Variants in NEDD4L observed in about 807,000 individuals in gnomAD.
NEDD4L encodes E3 ubiquitin-protein ligase NEDD4-like.
A neutral mutation model predicts 148.9 loss-of-function variants in NEDD4L; 54 were observed. That is an observed-to-expected ratio of 0.36 (90% CI 0.29 to 0.45). The LOEUF (loss-of-function observed/expected upper bound fraction) is 0.45. NEDD4L is among the 20% of genes least tolerant of loss of function. The pLI is 1.00. For missense variants in NEDD4L, 856 were observed against 1,233.8 expected (o/e 0.69, Z 4.59); for synonymous variants, 433 against 440.7 (o/e 0.98, Z 0.22).
chr18:58,330,966 T>C, intron 11 of NEDD4L, 52 bp downstream of exon 11: 5 of 1,577,134 alleles, frequency 3.2e-6, no homozygotes, highest in Non-Finnish European at 4.3e-6. Flanking sequence ...TTATTGTTTT[T>C]TGTTGCTTAA....
chr18:58,343,882 A>T (rs190010), intron 16 of NEDD4L, among the ~76,000 whole-genome samples: 1 of 152,160 alleles, frequency 6.6e-6, no homozygotes, highest in Non-Finnish European at 1.5e-5. Context: ...TTTTCCTGCT[A>T]TATAATCTCT....
At chr18:58,337,271 T>C (rs1211895822) in intron 13 of NEDD4L, among the ~76,000 whole-genome samples, 1 of 152,258 alleles carries the variant, frequency 6.6e-6, no homozygotes, top group African/African-American at 2.4e-5. Flanking sequence ...CTTTGGTAGA[T>C]GTAGATAGAT....
At chr18:58,198,089 A>G (rs1046571834) in intron 2 of NEDD4L, among the ~76,000 whole-genome samples, 4 of 152,158 alleles carry the variant, frequency 2.6e-5, no homozygotes, top group Non-Finnish European at 5.9e-5. Flanking sequence ...TAGTAACTGT[A>G]GGATAGGTAA....
intron 24 of NEDD4L, among the ~76,000 whole-genome samples, chr18:58,381,214 T>G (rs2048290419): frequency 6.6e-6 from 1 of 152,206 alleles, no homozygotes; most frequent in South Asian, 2.1e-4. Flanking sequence ...TATAATATCT[T>G]CAGAAAAAGA....
intron 1 of NEDD4L, among the ~76,000 whole-genome samples, chr18:58,062,935 C>A: frequency 6.8e-6 from 1 of 147,708 alleles, no homozygotes. Flanking sequence ...TTGCAGTTAG[C>A]CGAGATTGTG....
chr18:58,347,226 C>A lies in NEDD4L; in HGVS notation c.1576-2311C>A, dbSNP rs1299931409. Among the ~76,000 whole-genome samples the A allele has an allele frequency of 5.9e-4, 71 of 119,642 alleles. 1 individual carries two copies. Among genetic ancestry groups the A allele is most frequent in the Non-Finnish European group, 1.2e-3 (67 of 56,130 alleles). The allele number at this position is 119,642 out of a possible 152,430, so 78.5% of individuals were successfully genotyped here. On this transcript the variant is annotated intron_variant, in intron 16 of 30. Coordinates refer to ENST00000400345, the MANE Select transcript of NEDD4L (RefSeq NM_001144967.3). The stretch of plus-strand genomic sequence containing the variant: ...TACGGCCCCCCCCGCCCCCCCCCCC[C>A]CTTTAAATCACCAGCCTTTTACCAA...
At chr18:58,323,192 C>T in intron 7 of NEDD4L, 40 bp from the exon 8 acceptor site, 1 of 1,246,664 alleles carries the variant, frequency 8.0e-7, no homozygotes, top group South Asian at 1.3e-5. Flanking sequence ...CCTTTGAAGT[C>T]ACAACCCTTC....
At chr18:58,360,775 C>T (rs1439405119) in intron 19 of NEDD4L, among the ~76,000 whole-genome samples, 2 of 132,862 alleles carry the variant, frequency 1.5e-5, no homozygotes, top group Non-Finnish European at 3.2e-5. Context: ...TGTGTGTGTA[C>T]ATGCATGCAA....
chr18:58,130,370 A>C (rs2031885739), intron 1 of NEDD4L, among the ~76,000 whole-genome samples: 1 of 130,808 alleles, frequency 7.6e-6, no homozygotes, highest in Non-Finnish European at 1.6e-5. Flanking sequence ...GATCTAGCGG[A>C]ACTGTGGCTG....
At chr18:58,308,515 T>G (rs550049138) in intron 5 of NEDD4L, among the ~76,000 whole-genome samples, 1 of 152,306 alleles carries the variant, frequency 6.6e-6, no homozygotes, top group East Asian at 1.9e-4. Flanking sequence ...GGTACAACAT[T>G]GAAGAGGCAG....
At chr18:58,080,980 A>T (rs920315548) in intron 1 of NEDD4L, among the ~76,000 whole-genome samples, 1 of 152,162 alleles carries the variant, frequency 6.6e-6, no homozygotes, top group African/African-American at 2.4e-5. Flanking sequence ...AGTCCTCAGC[A>T]TCGGAACTCC....
chr18:58,196,175 G>A (rs2040665379), intron 2 of NEDD4L, among the ~76,000 whole-genome samples: 1 of 152,284 alleles, frequency 6.6e-6, no homozygotes, highest in Admixed American at 6.5e-5. Flanking sequence ...CAGGTGAAGC[G>A]AGGACAGATC....
intron 1 of NEDD4L, among the ~76,000 whole-genome samples, chr18:58,158,336 C>T (rs1028406926): frequency 1.3e-5 from 2 of 152,200 alleles, no homozygotes; most frequent in African/African-American, 4.8e-5. Context: ...TCACCTCTTC[C>T]ATATTCTATT....
intron 1 of NEDD4L, among the ~76,000 whole-genome samples, chr18:58,138,740 T>TGA (rs1355026276): frequency 2.0e-5 from 3 of 152,004 alleles, no homozygotes; most frequent in Non-Finnish European, 4.4e-5. Flanking sequence ...CCTTACATGA[T>TGA]GAGAGAGAGA....
At chr18:58,301,304 T>C (rs1343664507) in intron 5 of NEDD4L, among the ~76,000 whole-genome samples, 5 of 152,208 alleles carry the variant, frequency 3.3e-5, no homozygotes, top group Non-Finnish European at 7.3e-5. Flanking sequence ...CCCATGAATA[T>C]AGTCATTAGA....
At chr18:58,184,549 G>A (rs376499570) in intron 2 of NEDD4L, among the ~76,000 whole-genome samples, 2 of 152,078 alleles carry the variant, frequency 1.3e-5, no homozygotes, top group Admixed American at 6.5e-5. Flanking sequence ...CAGAGAAACC[G>A]ATCAGTTCAT....
intron 1 of NEDD4L, among the ~76,000 whole-genome samples, chr18:58,131,349 C>T (rs67403590): frequency 0.4 from 56,291 of 140,352 alleles, 11,583 homozygotes; most frequent in East Asian, 0.53. Context: ...TCTGATCTAG[C>T]AGAACTGTGG....
intron 2 of NEDD4L, among the ~76,000 whole-genome samples, chr18:58,206,821 A>G (rs2042029909): frequency 6.6e-6 from 1 of 152,098 alleles, no homozygotes; most frequent in Non-Finnish European, 1.5e-5. Flanking sequence ...CATTGGGCAA[A>G]TATTACAGCA....
At chr18:58,347,566 C>T (rs1489158438) in intron 16 of NEDD4L, among the ~76,000 whole-genome samples, 2 of 152,200 alleles carry the variant, frequency 1.3e-5, no homozygotes, top group Non-Finnish European at 2.9e-5. Context: ...AATCCTAAAT[C>T]AGCTTAGCAT....
Sources: gnomAD v4.1 joint callset for allele counts (sites outside exome capture counted in the v4.1 genomes callset) on GRCh38, gnomAD v4.1.1 for gene constraint, MANE v1.5 for transcripts, NCBI Gene and HGNC (gene_info 2026-07-23, HGNC 2026-07-21) for gene names.